The following ST3GAL3 variants were observed in gnomAD, a reference collection of about 807,000 sequenced individuals.
The protein encoded by ST3GAL3 is CMP-N-acetylneuraminate-beta-1,4-galactoside alpha-2,3-sialyltransferase.
ST3GAL3 carries 21 observed loss-of-function variants against 50.1 expected under a neutral mutation model. The observed-to-expected ratio is 0.42, with a 90% CI of 0.30 to 0.60. The LOEUF (loss-of-function observed/expected upper bound fraction) is 0.60. Among genes scored for constraint, ST3GAL3 ranks in the 20% least tolerant of loss-of-function variants. The pLI is 0.19. For synonymous variants in ST3GAL3, 183 were observed against 190.0 expected (o/e 0.96, Z 0.30); for missense variants, 353 against 489.4 (o/e 0.72, Z 2.63).
At chr1:43,803,370 C>A in intron 3 of ST3GAL3, among the ~76,000 whole-genome samples, 1 of 127,172 alleles carries the variant, frequency 7.9e-6, no homozygotes, top group Non-Finnish European at 1.8e-5. Flanking sequence ...CAAGATCCCA[C>A]CTCAAAAAAA....
At position 43,736,310 on chromosome 1, in the gene ST3GAL3, C is replaced by T; in HGVS notation, c.48C>T (p.Leu16=). 4.3e-6 allele frequency: 7 copies of T among 1,614,154 alleles called. No individual in the cohort carries two copies. The highest frequency in any genetic ancestry group is 5.9e-6 in the Non-Finnish European group (7 of 1,180,034). Residue 16 remains leucine, a synonymous_variant, in exon 2 of 12, where the codon CTC becomes CTT. Transcript: ENST00000347631. ...GCAATCTGCTGCTAGCCCTCTGCCT[C>T]TTTCTGGTACTGGGATTTTTGTATT... The part of the protein sequence containing the change: ...FVRNLLLALC[L]FLVLGFLYYS...
chr1:43,858,833 G>A (rs2069162539), intron 5 of ST3GAL3, among the ~76,000 whole-genome samples: 1 of 152,242 alleles, frequency 6.6e-6, no homozygotes, highest in Non-Finnish European at 1.5e-5. Flanking sequence ...AGCTAGAGGG[G>A]AGAAGGAGGG....
chr1:43,724,133 A>G (rs1398346694), intron 1 of ST3GAL3, among the ~76,000 whole-genome samples: 2 of 152,224 alleles, frequency 1.3e-5, no homozygotes, highest in African/African-American at 2.4e-5. Context: ...TACCTTTAGA[A>G]TGTATTACTT....
Position 43,814,926 on chromosome 1 carries a change from T to G in ST3GAL3, c.202T>G (p.Ser68Ala). ...DRLGFLLNLD[S>A]KLPAELATKY... Reference sequence around the variant, plus strand: ...GTTGGGCTTCCTCCTGAATCTGGACTCTAAACTGTGAGTAGAATGAGAAGA... The same window carrying G: ...GTTGGGCTTCCTCCTGAATCTGGACGCTAAACTGTGAGTAGAATGAGAAGA... The change falls in exon 4 of 12, where the codon TCT becomes GCT. Residue 68 changes from serine to alanine, a missense_variant. Transcript: ENST00000347631. 1 of 1,614,132 alleles carries G rather than the reference T, an allele frequency of 6.2e-7. No homozygotes were observed. The highest frequency in any genetic ancestry group is 8.5e-7 in the Non-Finnish European group (1 of 1,179,992).
At chr1:43,844,358 A>G (rs2065888262) in intron 5 of ST3GAL3, among the ~76,000 whole-genome samples, 1 of 152,230 alleles carries the variant, frequency 6.6e-6, no homozygotes, top group Non-Finnish European at 1.5e-5. Context: ...AGCACCCAAC[A>G]TAAGGCTATC....
At chr1:43,851,046 A>T in intron 5 of ST3GAL3, 1 of 843,122 alleles carries the variant, frequency 1.2e-6, no homozygotes, top group East Asian at 2.4e-5. Context: ...GCCTGCTGAT[A>T]TGTGCCATGT....
At position 43,851,400 on chromosome 1, in the gene ST3GAL3, A is replaced by AC. The variant is rs1454674261; in HGVS notation, c.302+13095dup. 1.9e-5 allele frequency: 30 copies of AC among 1,609,694 alleles called. No homozygotes were observed. In the East Asian group the frequency reaches 2.7e-4, roughly 14 times the overall value. On this transcript the variant is annotated intron_variant, in intron 5 of 11. Coordinates refer to ENST00000347631, the MANE Select transcript of ST3GAL3 (RefSeq NM_006279.5). ...GGAGCCTGAGCAAGGCTGGACGTTG[A>AC]CCCCCCAGCACTGTGGGTCCAGCTT...
chr1:43,813,603 T>A (rs150286948), intron 3 of ST3GAL3, among the ~76,000 whole-genome samples: 2 of 152,312 alleles, frequency 1.3e-5, no homozygotes, highest in East Asian at 1.9e-4. Flanking sequence ...ATTTATTCTC[T>A]CTTCACAGCT....
intron 2 of ST3GAL3, among the ~76,000 whole-genome samples, chr1:43,746,785 A>G (rs1683898460): frequency 9.0e-6 from 1 of 111,476 alleles, no homozygotes; most frequent in South Asian, 2.8e-4. Flanking sequence ...TTTTTTTGAG[A>G]CAAGTCTCAC....
chr1:43,907,305 C>T (rs936779206), intron 9 of ST3GAL3, among the ~76,000 whole-genome samples: 5 of 152,194 alleles, frequency 3.3e-5, no homozygotes, highest in African/African-American at 7.2e-5. Flanking sequence ...CTCACTCACT[C>T]GACAGCTCCC....
intron 2 of ST3GAL3, among the ~76,000 whole-genome samples, chr1:43,778,636 CTTTT>C (rs1209852342): frequency 1.6e-5 from 2 of 125,938 alleles, no homozygotes; most frequent in Non-Finnish European, 3.5e-5. Flanking sequence ...GATTTCTTTT[CTTTT>C]TTTCTTTTTT....
chr1:43,765,795 G>GTC (rs1326745508), intron 2 of ST3GAL3, among the ~76,000 whole-genome samples: 2 of 146,604 alleles, frequency 1.4e-5, no homozygotes, highest in African/African-American at 2.7e-5. Context: ...GCGCGCGCGC[G>GTC]CGCGCGTCCG....
At chr1:43,708,324 G>A (rs1268998281) in intron 1 of ST3GAL3, among the ~76,000 whole-genome samples, 1 of 152,168 alleles carries the variant, frequency 6.6e-6, no homozygotes, top group Non-Finnish European at 1.5e-5. Flanking sequence ...TCCTCAGTAA[G>A]CCTCATTTAT....
intron 2 of ST3GAL3, among the ~76,000 whole-genome samples, chr1:43,749,240 A>T (rs888930888): frequency 2.0e-5 from 3 of 152,240 alleles, no homozygotes; most frequent in Admixed American, 1.3e-4. Flanking sequence ...AAATTTATAG[A>T]AAAGGAGAAA....
chr1:43,912,785 G>A (rs1207624230), intron 9 of ST3GAL3: 4 of 152,266 alleles, frequency 2.6e-5, no homozygotes, highest in Non-Finnish European at 4.4e-5. Context: ...TCTGACAAGA[G>A]CAGAACAGGT....
chr1:43,768,953 G>A (rs1479461962), intron 2 of ST3GAL3, among the ~76,000 whole-genome samples: 2 of 152,106 alleles, frequency 1.3e-5, no homozygotes, highest in Non-Finnish European at 1.5e-5. Flanking sequence ...CTCAAGAAAG[G>A]AAGATTAAAG....
At chr1:43,897,956 A>G (rs922114126) in intron 6 of ST3GAL3, among the ~76,000 whole-genome samples, 1 of 152,182 alleles carries the variant, frequency 6.6e-6, no homozygotes, top group African/African-American at 2.4e-5. Flanking sequence ...AGAGCCTCAG[A>G]AAACCAGATG....
At position 43,898,412 on chromosome 1, in the gene ST3GAL3, T is replaced by C. The variant is rs554759068; in HGVS notation, c.461+114T>C. On this transcript the variant is annotated intron_variant, in intron 7 of 11. Coordinates refer to ENST00000347631, the MANE Select transcript of ST3GAL3 (RefSeq NM_006279.5). The stretch of plus-strand genomic sequence containing the variant: ...GCAGTTTCTCCAGCACATCCACACA[T>C]GCACATACAGTACACACACAGGGTG... 2.9e-6 allele frequency: 3 copies of C among 1,042,418 alleles called. No individual in the cohort carries two copies. The East Asian group carries it at 7.2e-5, about 25-fold the overall frequency. 64.6% of individuals were successfully genotyped at this position (1,042,418 alleles called of 1,614,324 possible).
intron 5 of ST3GAL3, among the ~76,000 whole-genome samples, chr1:43,853,717 G>A (rs1295080794): frequency 6.6e-6 from 1 of 152,222 alleles, no homozygotes; most frequent in African/African-American, 2.4e-5. Context: ...GGTGTGTGGT[G>A]TGTATCTGTG....
Sources: gnomAD v4.1 joint callset for allele counts (sites outside exome capture counted in the v4.1 genomes callset) on GRCh38, gnomAD v4.1.1 for gene constraint, MANE v1.5 for transcripts, NCBI Gene and HGNC (gene_info 2026-07-23, HGNC 2026-07-21) for gene names.